MCTP1: variants seen among roughly 807,000 people sequenced by gnomAD.
MCTP1 encodes the protein multiple C2 and transmembrane domain containing 1.
In MCTP1, 69 loss-of-function variants were observed where a neutral mutation model predicts 120.6. That is an observed-to-expected ratio of 0.57 (90% CI 0.47 to 0.70). The LOEUF (loss-of-function observed/expected upper bound fraction) is 0.70. Among genes scored for constraint, MCTP1 ranks in the 30% least tolerant of loss-of-function variants. The pLI, the probability that MCTP1 is intolerant of heterozygous loss-of-function variation, is 0.00. For synonymous variants in MCTP1, 529 were observed against 493.1 expected, an observed-to-expected ratio of 1.07 and a Z score of -0.96; for missense variants, 1,203 against 1,248.8, an observed-to-expected ratio of 0.96 and a Z score of 0.55.
intron 1 of MCTP1, among the ~76,000 whole-genome samples, chr5:95,087,705 C>T (rs1161264663): frequency 6.6e-6 from 1 of 152,196 alleles, no homozygotes; most frequent in East Asian, 1.9e-4. Context: ...CAGGCAGTAG[C>T]CACTGAAACA....
At position 94,706,952 on chromosome 5, in the gene MCTP1, T is replaced by G. The variant is rs1386719461; in HGVS notation, c.*544A>C. 2 of 151,936 alleles carry G rather than the reference T, an allele frequency of 1.3e-5. No homozygotes were observed. Among genetic ancestry groups the G allele is most frequent in the Non-Finnish European group, 2.9e-5 (2 of 67,932 alleles). The allele number at this position is 151,936 out of a possible 1,614,324, so 9.4% of individuals were successfully genotyped here. A position where few individuals can be genotyped will look rare whatever the true frequency, so the allele number is the denominator to read the frequency against. On this transcript the variant is annotated 3_prime_UTR_variant, in exon 23 of 23. Transcript: ENST00000515393. The stretch of plus-strand genomic sequence containing the variant: ...TAGCCTAAGTCATACCTAAGTAATT[T>G]GCACAGGAGTGAATGTCGGGATCTA...
At chr5:94,873,375 A>G (rs1455757832) in intron 12 of MCTP1, 134 bp from the exon 13 acceptor site, 1 of 513,610 alleles carries the variant, frequency 1.9e-6, no homozygotes, top group Non-Finnish European at 3.4e-6. Flanking sequence ...TAAAAATTAA[A>G]AAAAGAAACC....
At chr5:95,273,133 C>A (rs764894994) in intron 1 of MCTP1, among the ~76,000 whole-genome samples, 1 of 152,254 alleles carries the variant, frequency 6.6e-6, no homozygotes, top group Non-Finnish European at 1.5e-5. Flanking sequence ...TCTCTAAAAT[C>A]TCTTCCAATC....
intron 3 of MCTP1, among the ~76,000 whole-genome samples, chr5:94,945,211 C>T (rs1818639823): frequency 6.6e-6 from 1 of 152,124 alleles, no homozygotes; most frequent in Admixed American, 6.6e-5. Flanking sequence ...GTCCTTCCCA[C>T]CACTAGTTGG....
chr5:94,761,230 A>T (rs550970903), intron 19 of MCTP1, among the ~76,000 whole-genome samples: 1 of 152,222 alleles, frequency 6.6e-6, no homozygotes, highest in Non-Finnish European at 1.5e-5. Context: ...TGGCATTTGG[A>T]TCTCTTTTAT....
intron 19 of MCTP1, among the ~76,000 whole-genome samples, chr5:94,755,201 A>T (rs1363264820): frequency 6.6e-6 from 1 of 151,726 alleles, no homozygotes; most frequent in Admixed American, 6.6e-5. Context: ...CTTCTTCAAC[A>T]CCTGTGCTCC....
intron 19 of MCTP1, among the ~76,000 whole-genome samples, chr5:94,725,110 AT>A (rs1761842922): frequency 6.6e-6 from 1 of 152,206 alleles, no homozygotes; most frequent in South Asian, 2.1e-4. Context: ...GAACCTGTGA[AT>A]TAGGTTGAAA....
At chr5:95,047,179 T>A (rs1447674237) in intron 1 of MCTP1, among the ~76,000 whole-genome samples, 1 of 152,204 alleles carries the variant, frequency 6.6e-6, no homozygotes, top group Non-Finnish European at 1.5e-5. Context: ...GATGATGTCC[T>A]TGAAGACCGT....
chr5:94,911,239 G>A (rs575733285), intron 9 of MCTP1, among the ~76,000 whole-genome samples: 12 of 152,280 alleles, frequency 7.9e-5, no homozygotes, highest in African/African-American at 2.9e-4. Context: ...TTTAATACAA[G>A]ACGGATATGA....
chr5:94,807,458 T>G (rs144253172), intron 17 of MCTP1, among the ~76,000 whole-genome samples: 328 of 152,176 alleles, frequency 2.2e-3, no homozygotes, highest in Non-Finnish European at 2.8e-3. Flanking sequence ...ATCATCAGAG[T>G]TGGCAAAGAG....
rs1488552458 is a variant in MCTP1, at chr5:95,284,868, A to C, written c.-293T>G. ...ACCGAATCCCGGCCGCGGCGCCTGC[A>C]AAGTTTTTCCCTCGAAGCTCCGCGG... On this transcript the variant is annotated 5_prime_UTR_variant, in exon 1 of 23. Coordinates refer to ENST00000515393, the MANE Select transcript of MCTP1 (RefSeq NM_024717.7). This position sits in a 1 kb window ranked among gnomAD's most constrained non-coding sequence, Gnocchi z 5.2. 1.3e-5 allele frequency among the ~76,000 whole-genome samples: 2 copies of C among 151,962 alleles called. No homozygotes were observed. The highest frequency in any genetic ancestry group is 2.4e-5 in the African/African-American group (1 of 41,396).
intron 1 of MCTP1, among the ~76,000 whole-genome samples, chr5:95,116,459 G>T (rs768131362): frequency 2.6e-5 from 4 of 152,102 alleles, no homozygotes; most frequent in Non-Finnish European, 5.9e-5. Flanking sequence ...TTTGAAGTTA[G>T]GTAGCATGAT....
intron 1 of MCTP1, among the ~76,000 whole-genome samples, chr5:95,227,430 C>T (rs1439000514): frequency 1.3e-5 from 2 of 152,098 alleles, no homozygotes; most frequent in East Asian, 1.9e-4. Flanking sequence ...ACCCATTTCA[C>T]GATGAAACCC....
chr5:95,270,947 A>T (rs1477595644), intron 1 of MCTP1, among the ~76,000 whole-genome samples: 2 of 135,796 alleles, frequency 1.5e-5, no homozygotes, highest in African/African-American at 2.8e-5. Flanking sequence ...AAAAATGCAC[A>T]TTGTGATTTA....
In MCTP1 at chr5:94,780,033, A is replaced by G. The variant is rs139425685; in HGVS notation, c.2557-870T>C. Among the ~76,000 whole-genome samples the G allele has an allele frequency of 5.7e-3, 862 of 152,284 alleles. 12 individuals are homozygous for G. Among genetic ancestry groups the G allele is most frequent in the African/African-American group, 0.02 (818 of 41,580 alleles). Reference sequence around the variant, plus strand: ...ACACTTCACAAACATACACATATGCATGCCACAGAAACCTACAGTTTAAAA... The same window carrying G: ...ACACTTCACAAACATACACATATGCGTGCCACAGAAACCTACAGTTTAAAA... On this transcript the variant is annotated intron_variant, in intron 18 of 22. Coordinates refer to ENST00000515393, the MANE Select transcript of MCTP1 (RefSeq NM_024717.7).
chr5:95,140,736 C>T (rs902447843), intron 1 of MCTP1, among the ~76,000 whole-genome samples: 9 of 125,204 alleles, frequency 7.2e-5, no homozygotes, highest in African/African-American at 1.8e-4. Context: ...AAAAATTAGC[C>T]GGGTGTGGTG....
intron 1 of MCTP1, among the ~76,000 whole-genome samples, chr5:95,279,711 CTTA>C (rs1407916488): frequency 9.2e-5 from 14 of 152,198 alleles, no homozygotes; most frequent in Admixed American, 3.3e-4. Context: ...TTGCCAGACA[CTTA>C]TTATAGCAAG....
At chr5:95,062,154 C>T in intron 1 of MCTP1, among the ~76,000 whole-genome samples, 1 of 152,166 alleles carries the variant, frequency 6.6e-6, no homozygotes, top group South Asian at 2.1e-4. Context: ...GGGATTTGGT[C>T]ATAGTATTGA....
At chr5:94,868,258 T>A in intron 17 of MCTP1, 75 bp downstream of exon 17, 1 of 1,384,484 alleles carries the variant, frequency 7.2e-7, no homozygotes, top group Non-Finnish European at 9.6e-7. Flanking sequence ...TAACTGTTAC[T>A]ATAGCCACAG....
Sources: gnomAD v4.1 joint callset for allele counts (sites outside exome capture counted in the v4.1 genomes callset) on GRCh38, gnomAD v4.1.1 for gene constraint, Gnocchi (gnomAD v3.1) non-coding constraint, MANE v1.5 for transcripts, NCBI Gene and HGNC (gene_info 2026-07-23, HGNC 2026-07-21) for gene names.